Variants in CTTNBP2 observed in about 807,000 individuals in gnomAD.
CTTNBP2 encodes the protein cortactin binding protein 2.
A neutral mutation model predicts 156.9 loss-of-function variants in CTTNBP2; 108 were observed. The ratio of observed to expected loss-of-function variants is 0.69; its 90% CI spans 0.59 to 0.81. CTTNBP2 has a LOEUF of 0.81. Ranked by LOEUF, CTTNBP2 falls within the 30% of genes least tolerant of loss-of-function variation. CTTNBP2 has a pLI of 0.00. For synonymous variants in CTTNBP2, 767 were observed against 751.8 expected (o/e 1.02, Z -0.33); for missense variants, 1,924 against 2,035.4 (o/e 0.95, Z 1.05).
Position 117,782,864 on chromosome 7 carries a change from G to T in CTTNBP2, c.2370C>A (p.Phe790Leu), listed in dbSNP as rs755038961. ...PLCAAAAQGHFECVELLISYD... is the reference protein window; with the variant it reads ...PLCAAAAQGHLECVELLISYD... ...AAAAAGAATTAAGAGCAACTTACTC[G>T]AAATGTCCCTGAGCAGCTGCAGCAC... Residue 790 changes from phenylalanine (F) to leucine (L), a missense_variant and splice_region_variant, in exon 6 of 23, where the codon TTC becomes TTA. Transcript: ENST00000160373. 6.2e-7 allele frequency: 1 copy of T among 1,608,400 alleles called. No individual in the cohort carries two copies. Among genetic ancestry groups the T allele is most frequent in the Non-Finnish European group, 8.5e-7 (1 of 1,177,170 alleles).
chr7:117,714,400 G>A (rs748768322), intron 22 of CTTNBP2: 15 of 152,320 alleles, frequency 9.8e-5, no homozygotes, highest in African/African-American at 2.4e-4. Context: ...CAACACATAC[G>A]TAGTATTCAG....
At chr7:117,866,297 T>C (rs34564710) in intron 1 of CTTNBP2, among the ~76,000 whole-genome samples, 1 of 151,952 alleles carries the variant, frequency 6.6e-6, no homozygotes. Context: ...GTCTTACCCA[T>C]ACCCTTTTAG....
chr7:117,774,157 T>C (rs1259963037), intron 8 of CTTNBP2, among the ~76,000 whole-genome samples: 1 of 152,164 alleles, frequency 6.6e-6, no homozygotes, highest in Non-Finnish European at 1.5e-5. Context: ...TCTGGAATAG[T>C]CAGGCCAGCT....
rs769208688 is a variant in CTTNBP2 at position 117,792,613 on chromosome 7, C to A, written c.583G>T (p.Val195Leu). 1.9e-6 allele frequency: 3 copies of A among 1,614,022 alleles called. No homozygotes were observed. The highest frequency in any genetic ancestry group is 2.7e-5 in the African/African-American group (2 of 74,922). ...TTTTCCTCTTCCAGTTTGGCCATTA[C>A]GTCTTCGAGCTTCTGGGCCTCCTCT... ...VIEEAQKLED[V>L]MAKLEEEKKK... is the part of the protein sequence containing the mutation. Residue 195 changes from valine to leucine, a missense_variant, in exon 4 of 23, where the codon GTA becomes TTA. Coordinates refer to ENST00000160373, the MANE Select transcript of CTTNBP2 (RefSeq NM_033427.3). The surrounding 1 kb of genome is among the most constrained non-coding windows in gnomAD (Gnocchi z 4.2).
At chr7:117,751,286 T>A (rs1333255780) in intron 12 of CTTNBP2, among the ~76,000 whole-genome samples, 1 of 152,226 alleles carries the variant, frequency 6.6e-6, no homozygotes, top group East Asian at 1.9e-4. Flanking sequence ...AAGTTTTATT[T>A]GGAGTTTCAC....
At chr7:117,776,270 C>A (rs569936120) in intron 8 of CTTNBP2, among the ~76,000 whole-genome samples, 1 of 152,300 alleles carries the variant, frequency 6.6e-6, no homozygotes, top group East Asian at 1.9e-4. Flanking sequence ...CTGCTGTCAT[C>A]ATCTTTCATG....
rs142003217 is a variant in CTTNBP2 at position 117,825,982 on chromosome 7, G to T, written c.190-14993C>A. 5.3e-5 allele frequency among the ~76,000 whole-genome samples: 8 copies of T among 152,270 alleles called. No homozygotes were observed. The East Asian group carries it at 1.5e-3, about 29-fold the overall frequency. On this transcript the variant is annotated intron_variant, in intron 2 of 22. Transcript: ENST00000160373. ...GCTTCCATGTTATTTAGAACTCCCA[G>T]CTGCAGTTTATCAGGTATCTAGCAT...
chr7:117,773,273 GTGGACCT>G (rs1562991869), intron 8 of CTTNBP2, among the ~76,000 whole-genome samples: 7 of 152,326 alleles, frequency 4.6e-5, no homozygotes, highest in Non-Finnish European at 8.8e-5. Context: ...GGGGCGTCAT[GTGGACCT>G]TTGCACATAC....
Position 117,746,052 on chromosome 7 carries a change from C to A in CTTNBP2, c.3396G>T (p.Leu1132Phe). 6.2e-7 allele frequency: 1 copy of A among 1,614,104 alleles called. No individual in the cohort carries two copies. Among genetic ancestry groups the A allele is most frequent in the South Asian group, 1.1e-5 (1 of 91,082 alleles). ...CAAGCTGATGTACTATGTAGTCTTG[C>A]AAGCTTCCTTCTGGGCCGTGGAAAA... ...NVIFHGPEGS[L>F]QDYIVHQLAL... Residue 1132 changes from leucine to phenylalanine, a missense_variant, in exon 13 of 23, where the codon TTG becomes TTT. Coordinates refer to ENST00000160373, the MANE Select transcript of CTTNBP2 (RefSeq NM_033427.3).
intron 14 of CTTNBP2, among the ~76,000 whole-genome samples, chr7:117,741,944 AG>A (rs1376235178): frequency 2.0e-5 from 3 of 152,246 alleles, no homozygotes; most frequent in Non-Finnish European, 4.4e-5. Context: ...ATGCAAGCTA[AG>A]AGAAGAATAA....
chr7:117,873,052 T>C (rs1804735925), intron 1 of CTTNBP2, among the ~76,000 whole-genome samples: 2 of 152,110 alleles, frequency 1.3e-5, no homozygotes, highest in South Asian at 2.1e-4. Context: ...GGGGTCGCAC[T>C]GGACGCAGAC....
chr7:117,860,836 T>C (rs1407794718), intron 2 of CTTNBP2, among the ~76,000 whole-genome samples: 1 of 152,254 alleles, frequency 6.6e-6, no homozygotes, highest in Non-Finnish European at 1.5e-5. Flanking sequence ...ATATTTTTTA[T>C]AAACCTCAAC....
chr7:117,856,521 C>T (rs2117221344), intron 2 of CTTNBP2, among the ~76,000 whole-genome samples: 1 of 152,242 alleles, frequency 6.6e-6, no homozygotes, highest in South Asian at 2.1e-4. Flanking sequence ...CTGATAGTTT[C>T]CTATGTTATT....
rs545703415 is a variant in CTTNBP2 at position 117,763,667 on chromosome 7, C to T, written c.2897-2957G>A. Among the ~76,000 whole-genome samples the T allele has an allele frequency of 4.7e-5, 7 of 149,294 alleles. No individual in the cohort carries two copies. The South Asian group carries it at 1.3e-3, about 27-fold the overall frequency. ...CCTTGACCTCCCTGGCTCAGGTAATCCTCTCACCTCAGCACCCATGGAGCA... is the reference window on the plus strand; with the variant it reads ...CCTTGACCTCCCTGGCTCAGGTAATTCTCTCACCTCAGCACCCATGGAGCA... On this transcript the variant is annotated intron_variant, in intron 9 of 22. Coordinates refer to ENST00000160373, the MANE Select transcript of CTTNBP2 (RefSeq NM_033427.3).
At position 117,770,117 on chromosome 7, in the gene CTTNBP2, T is replaced by C. The variant is rs534475591; in HGVS notation, c.2779-2941A>G. Among the ~76,000 whole-genome samples, 171 of 152,324 alleles carry C rather than the reference T, an allele frequency of 1.1e-3. 3 individuals carry two copies. Among genetic ancestry groups the C allele is most frequent in the Admixed American group, 0.011 (171 of 15,286 alleles). On this transcript the variant is annotated intron_variant, in intron 8 of 22. Coordinates refer to ENST00000160373, the MANE Select transcript of CTTNBP2 (RefSeq NM_033427.3). ...GCTAGAAAACAGTCCAAATATCCAGTTAACTGGTGAGGTACTATAGCACAT... is the reference window on the plus strand; with the variant it reads ...GCTAGAAAACAGTCCAAATATCCAGCTAACTGGTGAGGTACTATAGCACAT...
chr7:117,719,679 T>C, intron 20 of CTTNBP2, 43 bp from the exon 21 acceptor site: 1 of 1,567,210 alleles, frequency 6.4e-7, no homozygotes, highest in Non-Finnish European at 8.7e-7. Flanking sequence ...GTGAGAACAA[T>C]TCCCAATTTG....
rs75549814 is a variant in CTTNBP2, at chr7:117,807,681, C to A, written c.414+3084G>T. On this transcript the variant is annotated intron_variant, in intron 3 of 22. Coordinates refer to ENST00000160373, the MANE Select transcript of CTTNBP2 (RefSeq NM_033427.3). The stretch of plus-strand genomic sequence containing the variant: ...AATGAGTGATACAAAAAAGAAGGAC[C>A]TGGGGAGGGACCACTCAGGATCTGG... Among the ~76,000 whole-genome samples the A allele has an allele frequency of 8.6e-3, 1,302 of 152,228 alleles. 16 individuals carry two copies. The highest frequency in any genetic ancestry group is 0.03 in the African/African-American group (1,227 of 41,528).
chr7:117,738,290 A>G (rs1449966821), intron 14 of CTTNBP2, among the ~76,000 whole-genome samples: 13 of 152,218 alleles, frequency 8.5e-5, no homozygotes, highest in Admixed American at 8.5e-4. Context: ...CCAAAAATGA[A>G]AAGTAGAAGA....
intron 14 of CTTNBP2, among the ~76,000 whole-genome samples, chr7:117,745,359 T>C (rs767311621): frequency 1.3e-5 from 2 of 152,210 alleles, no homozygotes; most frequent in Non-Finnish European, 2.9e-5. Flanking sequence ...TAAGTGCCAG[T>C]CAATGGCATA....
Sources: gnomAD v4.1 joint callset for allele counts (sites outside exome capture counted in the v4.1 genomes callset) on GRCh38, gnomAD v4.1.1 for gene constraint, Gnocchi (gnomAD v3.1) non-coding constraint, MANE v1.5 for transcripts, NCBI Gene and HGNC (gene_info 2026-07-23, HGNC 2026-07-21) for gene names.